The following ZNF503 variants were observed in gnomAD, a reference collection of about 807,000 sequenced individuals.
ZNF503 encodes the protein NocA-like zinc finger 2.
In ZNF503, 15 loss-of-function variants were observed where a neutral mutation model predicts 34.4. That is an observed-to-expected ratio of 0.44 (90% CI 0.29 to 0.67). The LOEUF (loss-of-function observed/expected upper bound fraction) is 0.67, where lower values mean the gene tolerates loss of function less well. Ranked by LOEUF, ZNF503 falls within the 30% of genes least tolerant of loss-of-function variation. The pLI is 0.13. For synonymous variants in ZNF503, 580 were observed against 456.8 expected (o/e 1.27, Z -3.44); for missense variants, 1,007 against 926.8 (o/e 1.09, Z -1.12).
At position 75,401,238 on chromosome 10, in the gene ZNF503, G is replaced by T. The variant is rs765125199; in HGVS notation, c.182C>A (p.Pro61His). 3.7e-6 allele frequency: 6 copies of T among 1,607,628 alleles called. No homozygotes were observed. Among genetic ancestry groups the T allele is most frequent in the Non-Finnish European group, 5.1e-6 (6 of 1,176,982 alleles). ...GSTKPFVHAV[P>H]PSDPLRQANR... ...GGCCTGGCGCAGGGGGTCAGAGGGG[G>T]GCACGGCGTGCACAAAAGGCTTGGT... is the stretch of plus-strand genomic sequence containing the variant. Residue 61 changes from proline (P) to histidine (H), a missense_variant, in exon 1 of 2, where the codon CCC becomes CAC. By Grantham distance (77) the Pro-to-His change is moderately conservative. Coordinates refer to ENST00000372524, the MANE Select transcript of ZNF503 (RefSeq NM_032772.6).
chr10:75,328,865 G>T, the ZNF503 span, among the ~76,000 whole-genome samples: 5 of 150,070 alleles, frequency 3.3e-5, no homozygotes, highest in East Asian at 9.8e-4. Context: ...TCCTGCCTCA[G>T]CCTCCTGAGT....
At chr10:75,351,398 C>A in the ZNF503 span, among the ~76,000 whole-genome samples, 1 of 152,122 alleles carries the variant, frequency 6.6e-6, no homozygotes, top group Admixed American at 6.5e-5. Flanking sequence ...TTTCAAACTC[C>A]CGACCTTCAG....
the ZNF503 span, among the ~76,000 whole-genome samples, chr10:75,376,598 G>A: frequency 7.9e-5 from 12 of 151,868 alleles, no homozygotes; most frequent in Non-Finnish European, 1.5e-4. Context: ...GAGCCGAGAT[G>A]ATGCTACTGT....
chr10:75,311,761 T>C, the ZNF503 span, among the ~76,000 whole-genome samples: 1 of 151,384 alleles, frequency 6.6e-6, no homozygotes, highest in Admixed American at 6.6e-5. Flanking sequence ...CTTTCCTTTA[T>C]AAATTACCCA....
the ZNF503 span, among the ~76,000 whole-genome samples, chr10:75,368,007 G>C: frequency 4.6e-5 from 7 of 152,208 alleles, no homozygotes; most frequent in African/African-American, 1.7e-4. Flanking sequence ...GGAAGGCCCA[G>C]TAAACCTCGA....
chr10:75,317,145 C>A, the ZNF503 span, among the ~76,000 whole-genome samples: 2 of 151,270 alleles, frequency 1.3e-5, no homozygotes, highest in African/African-American at 4.9e-5. Context: ...TTTCGCCATG[C>A]TGGCCAGGCT....
chr10:75,361,308 A>T, the ZNF503 span: 3 of 152,236 alleles, frequency 2.0e-5, no homozygotes, highest in African/African-American at 7.2e-5. Flanking sequence ...TCAATGAATT[A>T]TCGTTGTCAA....
At chr10:75,332,210 A>T in the ZNF503 span, among the ~76,000 whole-genome samples, 27 of 152,010 alleles carry the variant, frequency 1.8e-4, no homozygotes, top group Non-Finnish European at 3.8e-4. Flanking sequence ...CATAGTCAAT[A>T]ATCTCTTTAA....
downstream of ZNF503, among the ~76,000 whole-genome samples, chr10:75,395,196 G>A (rs182326337): frequency 3.9e-5 from 6 of 152,362 alleles, no homozygotes; most frequent in African/African-American, 1.4e-4. The surrounding 1 kb of genome is among the most constrained non-coding windows in gnomAD (Gnocchi z 4.4). Flanking sequence ...AGAGCCTTGA[G>A]GGTGGGAGCT....
At position 75,401,449 on chromosome 10, in the gene ZNF503, G is replaced by T. The variant is rs1843819278; in HGVS notation, c.-30C>A. On this transcript the variant is annotated 5_prime_UTR_variant, in exon 1 of 2. Coordinates refer to ENST00000372524, the MANE Select transcript of ZNF503 (RefSeq NM_032772.6). Reference sequence around the variant, plus strand: ...CACCCGCGCGCATGGGAGCAGCGGGGGGGAGGGCTCCGGGAGGCGCGGGGC... The same window carrying T: ...CACCCGCGCGCATGGGAGCAGCGGGTGGGAGGGCTCCGGGAGGCGCGGGGC... 2 of 1,520,748 alleles carry T rather than the reference G, an allele frequency of 1.3e-6. No individual in the cohort carries two copies. The highest frequency in any genetic ancestry group is 2.1e-5 in the Admixed American group (1 of 48,730). The allele number at this position is 1,520,748 out of a possible 1,614,324, so 94.2% of individuals were successfully genotyped here. A position where few individuals can be genotyped will look rare whatever the true frequency, so the allele number is the denominator to read the frequency against.
At chr10:75,388,488 G>A in the ZNF503 span, among the ~76,000 whole-genome samples, 9 of 152,234 alleles carry the variant, frequency 5.9e-5, no homozygotes, top group Non-Finnish European at 1.3e-4. Flanking sequence ...TGTGGCTTCA[G>A]TGTACGGAGA....
At chr10:75,291,714 G>A in the ZNF503 span, among the ~76,000 whole-genome samples, 11 of 152,196 alleles carry the variant, frequency 7.2e-5, no homozygotes, top group African/African-American at 2.7e-4. Context: ...CTGCTGCTGT[G>A]GTCTCTCCCA....
At chr10:75,291,218 AC>A in the ZNF503 span, among the ~76,000 whole-genome samples, 8 of 152,242 alleles carry the variant, frequency 5.3e-5, no homozygotes, top group East Asian at 1.5e-3. Flanking sequence ...ACTGCTCATC[AC>A]CTTTGCCTGT....
At chr10:75,391,327 T>C in the ZNF503 span, among the ~76,000 whole-genome samples, 1 of 152,266 alleles carries the variant, frequency 6.6e-6, no homozygotes, top group East Asian at 1.9e-4. Flanking sequence ...TTACCTCTTG[T>C]TCCTCTTCCT....
At chr10:75,303,632 T>C in the ZNF503 span, among the ~76,000 whole-genome samples, 1 of 152,188 alleles carries the variant, frequency 6.6e-6, no homozygotes, top group African/African-American at 2.4e-5. Context: ...GAATATAGGT[T>C]CTACACTTTT....
At chr10:75,352,480 A>T in the ZNF503 span, among the ~76,000 whole-genome samples, 1 of 152,190 alleles carries the variant, frequency 6.6e-6, no homozygotes, top group African/African-American at 2.4e-5. Context: ...TTCCAGGCTG[A>T]TGGAGGAAAC....
the ZNF503 span, among the ~76,000 whole-genome samples, chr10:75,339,456 A>G: frequency 6.6e-6 from 1 of 152,182 alleles, no homozygotes; most frequent in African/African-American, 2.4e-5. Context: ...AGCCTCCAAA[A>G]CACTTATTAG....
At chr10:75,380,842 T>C in the ZNF503 span, among the ~76,000 whole-genome samples, 2 of 152,308 alleles carry the variant, frequency 1.3e-5, no homozygotes, top group East Asian at 3.9e-4. Context: ...ATTTTATGTC[T>C]GAACTTCAGA....
chr10:75,400,321 G>T lies in ZNF503; in HGVS notation c.369C>A (p.Ile123=), dbSNP rs768507999. ...AGGAGGGCGAGGGGTCGGGCTTCCC[G>T]ATCTGCGAACATGTTTGCGCCAACA... ...LALLAQTCSQ[I]GKPDPSPSSK... The change falls in exon 2 of 2, where the codon ATC becomes ATA. Residue 123 remains isoleucine (I), a synonymous_variant. Coordinates refer to ENST00000372524, the MANE Select transcript of ZNF503 (RefSeq NM_032772.6). 1 of 1,612,556 alleles carries T rather than the reference G, an allele frequency of 6.2e-7. No homozygotes were observed. Among genetic ancestry groups the T allele is most frequent in the African/African-American group, 1.3e-5 (1 of 74,898 alleles).
Sources: allele counts gnomAD v4.1 joint callset (sites outside exome capture counted in the v4.1 genomes callset), GRCh38; gene constraint gnomAD v4.1.1; non-coding constraint Gnocchi (gnomAD v3.1); transcripts MANE v1.5; gene names NCBI Gene and HGNC (gene_info 2026-07-23, HGNC 2026-07-21).